Variants in AAAS observed in about 807,000 individuals in gnomAD.
AAAS encodes the protein aladin WD repeat nucleoporin, also known as aladin.
Under a neutral mutation model 75.6 loss-of-function variants are expected in AAAS, and 60 were observed. The observed-to-expected ratio is 0.79, with a 90% confidence interval of 0.64 to 0.98. The LOEUF (loss-of-function observed/expected upper bound fraction) is 0.98. Among genes scored for constraint, AAAS ranks in the 50% least tolerant of loss-of-function variants. AAAS has a pLI of 0.00. For missense variants in AAAS, 658 were observed against 686.9 expected (o/e 0.96, Z 0.47); for synonymous variants, 271 against 265.0 (o/e 1.02, Z -0.22).
chr12:53,308,326 A>G lies in AAAS; in HGVS notation c.1205T>C (p.Met402Thr), dbSNP rs1050403276. The G allele has an allele frequency of 1.2e-6, 2 of 1,614,148 alleles. No homozygotes were observed. The highest frequency in any genetic ancestry group is 1.7e-6 in the Non-Finnish European group (2 of 1,180,004). Residue 402 changes from methionine (M) to threonine (T), a missense_variant, in exon 13 of 16, where the codon ATG (methionine) becomes ACG (threonine). Met to Thr is a moderately conservative substitution (Grantham distance 81). Coordinates refer to ENST00000209873, the MANE Select transcript of AAAS (RefSeq NM_015665.6). The stretch of plus-strand genomic sequence containing the variant: ...ACGTTCCCCACTGGGGTCCCAGACC[A>G]TGGAGTGAGCCTCTCCCCCAAGCCT... ...EERLGGEAHS[M>T]VWDPSGERLA...
Position 53,321,374 on chromosome 12 carries a change from T to A in AAAS, c.92A>T (p.Tyr31Phe). 6.2e-7 allele frequency: 1 copy of A among 1,614,092 alleles called. No individual in the cohort carries two copies. The highest frequency in any genetic ancestry group is 8.5e-7 in the Non-Finnish European group (1 of 1,180,024). The change falls in exon 1 of 16, where the codon TAT becomes TTT. Residue 31 changes from tyrosine to phenylalanine, a missense_variant. Transcript: ENST00000209873. ...CCGGAAGTCGGGGGGCGGGCTCTCA[T>A]AGCTACTGCCCGTCACCAGCTCGTT... ...HNNELVTGSSYESPPPDFRGQ... is the reference protein window; with the variant it reads ...HNNELVTGSSFESPPPDFRGQ...
intron 2 of AAAS, among the ~76,000 whole-genome samples, chr12:53,319,847 G>A (rs1417882537): frequency 1.2e-4 from 18 of 146,156 alleles, no homozygotes; most frequent in Non-Finnish European, 2.4e-4. Flanking sequence ...TGAGCCGGGC[G>A]CGGTGGCTCA....
intron 10 of AAAS, 39 bp downstream of exon 10, chr12:53,308,921 T>C: frequency 6.2e-7 from 1 of 1,613,934 alleles, no homozygotes; most frequent in African/African-American, 1.3e-5. Flanking sequence ...ATTGGAATCA[T>C]CTCCTCCCCA....
chr12:53,314,660 G>T, intron 6 of AAAS, 91 bp downstream of exon 6: 4 of 1,421,816 alleles, frequency 2.8e-6, no homozygotes, highest in Non-Finnish European at 3.9e-6. Flanking sequence ...CCATGAATCA[G>T]GTTCAAGAAC....
intron 7 of AAAS, among the ~76,000 whole-genome samples, chr12:53,312,327 G>C (rs1276074966): frequency 1.3e-5 from 2 of 152,078 alleles, no homozygotes; most frequent in African/African-American, 4.8e-5. Flanking sequence ...TATAATCCCA[G>C]CACTTTGGGA....
chr12:53,308,497 CTT>C lies in AAAS; in HGVS notation c.1117_1118del (p.Lys373ValfsTer10). ...ACAGATCTGCCACAATCGTTGCTGA[CTT>C]TGCACCTCCAACGCACCCCTTTCCC... ...GEGKGCVGGA[K>X]SATIVADLSE... On this transcript the variant is annotated frameshift_variant, in exon 12 of 16. Coordinates refer to ENST00000209873, the MANE Select transcript of AAAS (RefSeq NM_015665.6). LOFTEE classifies it high-confidence loss of function. 2 of 1,614,218 alleles carry C rather than the reference CTT, an allele frequency of 1.2e-6. No individual in the cohort carries two copies. Among genetic ancestry groups the C allele is most frequent in the Non-Finnish European group, 1.7e-6 (2 of 1,180,046 alleles).
At position 53,319,823 on chromosome 12, in the gene AAAS, AAAG is replaced by A. The variant is rs869067597; in HGVS notation, c.251+739_251+741del. ...GTCTCAAAAAAAAAAAAAAAAAAAA[AAAG>A]AAAAAGAAAATGAGCCGGGCGCGGT... On this transcript the variant is annotated intron_variant, in intron 2 of 15. Transcript: ENST00000209873. 8.5e-5 allele frequency among the ~76,000 whole-genome samples: 12 copies of A among 141,716 alleles called. 1 individual carries two copies. Among genetic ancestry groups the A allele is most frequent in the Admixed American group, 2.2e-4 (3 of 13,934 alleles). 93.0% of individuals were successfully genotyped at this position (141,716 alleles called of 152,430 possible). A position where few individuals can be genotyped will look rare whatever the true frequency, so the allele number is the denominator to read the frequency against.
rs183066884 is a variant in AAAS at position 53,310,087 on chromosome 12, A to G, written c.690-366T>C. On this transcript the variant is annotated intron_variant, in intron 7 of 15. Transcript: ENST00000209873. ...ACAGCTCTCTGCCCACAGGCCATCC[A>G]GCCTGGCCATCCATCTATCCAGGAT... Among the ~76,000 whole-genome samples, 304 of 152,338 alleles carry G rather than the reference A, an allele frequency of 2.0e-3. 4 individuals are homozygous for G. The highest frequency in any genetic ancestry group is 6.9e-3 in the African/African-American group (286 of 41,582).
chr12:53,309,773 C>T, intron 7 of AAAS, 52 bp from the exon 8 acceptor site: 1 of 1,600,450 alleles, frequency 6.2e-7, no homozygotes, highest in Non-Finnish European at 8.5e-7. Context: ...GAAGCCATCC[C>T]CAAAATTCTA....
At chr12:53,308,841 A>AG in intron 10 of AAAS, 26 bp from the exon 11 acceptor site, 2 of 1,613,796 alleles carry the variant, frequency 1.2e-6, no homozygotes, top group Non-Finnish European at 1.7e-6. Flanking sequence ...AAAAGGCAGG[A>AG]GAAGGTATGT....
chr12:53,315,198 T>C, intron 4 of AAAS, 58 bp from the exon 5 acceptor site: 1 of 1,606,510 alleles, frequency 6.2e-7, no homozygotes, highest in East Asian at 2.2e-5. Context: ...ATCTCCTCAA[T>C]ATTCCAACAG....
chr12:53,309,525 C>T, intron 8 of AAAS, 76 bp downstream of exon 8: 36 of 1,609,344 alleles, frequency 2.2e-5, no homozygotes, highest in Non-Finnish European at 3.0e-5. Flanking sequence ...CTCCTTCCCC[C>T]AAGATGTTTC....
rs1366127264 is a variant in AAAS at position 53,321,567 on chromosome 12, G to A, written c.-102C>T. On this transcript the variant is annotated 5_prime_UTR_variant, in exon 1 of 16. Coordinates refer to ENST00000209873, the MANE Select transcript of AAAS (RefSeq NM_015665.6). ...TCCCGGGCTAGATTCGTATGCGGAC[G>A]GGTACCGCAAGGGACAAACGGCGAG... 1.3e-6 allele frequency: 2 copies of A among 1,591,158 alleles called. No homozygotes were observed. The highest frequency in any genetic ancestry group is 1.7e-6 in the Non-Finnish European group (2 of 1,169,254).
At chr12:53,309,841 A>T in intron 7 of AAAS, 120 bp from the exon 8 acceptor site, 6 of 1,410,060 alleles carry the variant, frequency 4.3e-6, no homozygotes, top group African/African-American at 1.4e-5. Flanking sequence ...GCTCAAATCC[A>T]GGTTGTGAAA....
At chr12:53,320,430 T>C (rs1944534885) in intron 2 of AAAS, 135 bp downstream of exon 2, 1 of 1,259,916 alleles carries the variant, frequency 7.9e-7, no homozygotes, top group Non-Finnish European at 1.1e-6. Flanking sequence ...AAATTTCATA[T>C]GATTTAGGAT....
In AAAS at chr12:53,308,740, A is replaced by G. The variant is rs1944336176; in HGVS notation, c.1072T>C (p.Phe358Leu). Residue 358 changes from phenylalanine to leucine, a missense_variant, in exon 11 of 16, where the codon TTT becomes CTT. Coordinates refer to ENST00000209873, the MANE Select transcript of AAAS (RefSeq NM_015665.6). ...LGEPLIYSLS[F>L]PERCGEGKGC... ...CCTAACTCACCACAACGTTCTGGAA[A>G]AGACAGGGAGTAAATCAGTGGCTCT... 6.2e-7 allele frequency: 1 copy of G among 1,614,174 alleles called. No individual in the cohort carries two copies. The highest frequency in any genetic ancestry group is 1.3e-5 in the African/African-American group (1 of 75,050).
intron 7 of AAAS, among the ~76,000 whole-genome samples, chr12:53,311,898 CAG>C (rs1359287231): frequency 6.6e-6 from 1 of 151,960 alleles, no homozygotes; most frequent in African/African-American, 2.4e-5. Flanking sequence ...GCCTGGGCGA[CAG>C]AGTGAGATTC....
chr12:53,312,451 G>C (rs888500690), intron 7 of AAAS, among the ~76,000 whole-genome samples: 1 of 151,138 alleles, frequency 6.6e-6, no homozygotes, highest in Non-Finnish European at 1.5e-5. Context: ...TGTAGTCCCA[G>C]CTACTTGGGA....
intron 7 of AAAS, among the ~76,000 whole-genome samples, chr12:53,312,519 C>A (rs895813275): frequency 1.3e-5 from 2 of 149,952 alleles, no homozygotes; most frequent in African/African-American, 4.9e-5. Context: ...GAGTCGAGAT[C>A]GTGCCACTGC....
Sources: gnomAD v4.1 joint callset for allele counts (sites outside exome capture counted in the v4.1 genomes callset) on GRCh38, gnomAD v4.1.1 for gene constraint, MANE v1.5 for transcripts, NCBI Gene and HGNC (gene_info 2026-07-23, HGNC 2026-07-21) for gene names.